The following ERMN variants were observed in gnomAD, a reference collection of about 807,000 sequenced individuals.
ERMN encodes ermin, ERM-like protein.
Under a neutral mutation model 21.4 loss-of-function variants are expected in ERMN, and 17 were observed. The observed-to-expected ratio is 0.80, with a 90% CI of 0.54 to 1.19. The LOEUF is 1.19. ERMN is among the 50% of genes most tolerant of loss of function. ERMN has a pLI of 0.00. For missense variants in ERMN, 348 were observed against 331.6 expected (o/e 1.05, Z -0.38); for synonymous variants, 115 against 111.9 (o/e 1.03, Z -0.17).
Position 157,319,417 on chromosome 2 carries a change from G to A in ERMN, c.*1854C>T, listed in dbSNP as rs1256648403. On this transcript the variant is annotated 3_prime_UTR_variant, in exon 3 of 3. Coordinates refer to ENST00000410096, the MANE Select transcript of ERMN (RefSeq NM_020711.3). ...AGTTCTACAGGAATCCATCATCTCT[G>A]TTGGAATAACTCAAAATACAGGCTC... is the stretch of plus-strand genomic sequence containing the variant. 1 of 152,092 alleles carries A rather than the reference G, an allele frequency of 6.6e-6. No homozygotes were observed. Among genetic ancestry groups the A allele is most frequent in the Non-Finnish European group, 1.5e-5 (1 of 68,002 alleles). 9.4% of individuals were successfully genotyped at this position (152,092 alleles called of 1,614,324 possible).
In ERMN at chr2:157,321,009, G is replaced by C. The variant is rs532692501; in HGVS notation, c.*262C>G. On this transcript the variant is annotated 3_prime_UTR_variant, in exon 3 of 3. Coordinates refer to ENST00000410096, the MANE Select transcript of ERMN (RefSeq NM_020711.3). ...GCCAGATTCCCCCAGGGGACTGACTGCTTAGTGCTTATCACACAATGCTAT... is the reference window on the plus strand; with the variant it reads ...GCCAGATTCCCCCAGGGGACTGACTCCTTAGTGCTTATCACACAATGCTAT... The C allele has an allele frequency of 2.3e-5, 10 of 427,940 alleles. No homozygotes were observed. In the Admixed American group the frequency reaches 4.1e-4, roughly 18 times the overall value. 26.5% of individuals were successfully genotyped at this position (427,940 alleles called of 1,614,324 possible).
rs761910834 is a variant in ERMN, at chr2:157,321,471, C to T, written c.655G>A (p.Glu219Lys). The T allele has an allele frequency of 1.2e-6, 2 of 1,613,972 alleles. No homozygotes were observed. Among genetic ancestry groups the T allele is most frequent in the Non-Finnish European group, 1.7e-6 (2 of 1,180,004 alleles). The change falls in exon 3 of 3, where the codon GAA becomes AAA. Residue 219 changes from glutamate (E) to lysine (K), a missense_variant. Glu to Lys is a moderately conservative substitution (Grantham distance 56). Transcript: ENST00000410096. ...GGGGAGTCCTCACTTGCATCACCTTCCTCTTTAAATTGAGAAACCTCTTCA... is the reference window on the plus strand; with the variant it reads ...GGGGAGTCCTCACTTGCATCACCTTTCTCTTTAAATTGAGAAACCTCTTCA... ...KHEEVSQFKE[E>K]GDASEDSPLS...
At chr2:157,327,269 C>A, upstream of ERMN, 1 of 550,836 alleles carries the variant, frequency 1.8e-6, no homozygotes, top group Non-Finnish European at 3.2e-6. Flanking sequence ...ACACCTCACT[C>A]TTGTATAATC....
rs2105181399 is a variant in ERMN at position 157,318,826 on chromosome 2, A to C, written c.*2445T>G. ...ACAGAGGAAAACAAAAAATCATGTA[A>C]GAAATACCAGCATTTGCACAATAAA... is the stretch of plus-strand genomic sequence containing the variant. On this transcript the variant is annotated 3_prime_UTR_variant, in exon 3 of 3. Transcript: ENST00000410096. 1 of 152,294 alleles carries C rather than the reference A, an allele frequency of 6.6e-6. No homozygotes were observed. The highest frequency in any genetic ancestry group is 1.9e-4 in the East Asian group (1 of 5,180). The allele number at this position is 152,294 out of a possible 1,614,324, so 9.4% of individuals were successfully genotyped here. A position where few individuals can be genotyped will look rare whatever the true frequency, so the allele number is the denominator to read the frequency against.
chr2:157,326,820 A>G (rs1216294520), upstream of ERMN, among the ~76,000 whole-genome samples: 6 of 151,958 alleles, frequency 3.9e-5, no homozygotes, highest in East Asian at 1.2e-3. Context: ...ACTATCTCTA[A>G]CCGCCAGGAT....
At position 157,321,315 on chromosome 2, in the gene ERMN, T is replaced by A. The variant is rs1683887888; in HGVS notation, c.811A>T (p.Thr271Ser). The change falls in exon 3 of 3, where the codon ACC (threonine) becomes TCC (serine). Residue 271 changes from threonine to serine, a missense_variant. Physicochemically the swap from Thr to Ser is moderately conservative, Grantham distance 58 (BLOSUM62 1). Transcript: ENST00000410096. ...TCGAATTCATCAATTCTTTGCTTGG[T>A]ATTTCCCTTTCTGATTTTCCGATAG... ...ISYRKIRKGN[T>S]KQRIDEFESM... 4 of 1,614,006 alleles carry A rather than the reference T, an allele frequency of 2.5e-6. No individual in the cohort carries two copies. The highest frequency in any genetic ancestry group is 3.4e-6 in the Non-Finnish European group (4 of 1,179,912).
intron 1 of ERMN, 52 bp downstream of exon 1, chr2:157,325,350 G>T: frequency 6.2e-7 from 1 of 1,608,392 alleles, no homozygotes. Context: ...AAAAATCCAG[G>T]GTAAATTTAT....
chr2:157,327,676 G>T, upstream of ERMN: 1 of 566,970 alleles, frequency 1.8e-6, no homozygotes, highest in Non-Finnish European at 3.2e-6. Flanking sequence ...ATCCCACAGG[G>T]GTTCGGCATT....
Position 157,319,315 on chromosome 2 carries a change from C to CCAGCGTTAGCATATA in ERMN, c.*1941_*1955dup, listed in dbSNP as rs1311181468. The CCAGCGTTAGCATATA allele has an allele frequency of 6.6e-6, 1 of 152,112 alleles. No homozygotes were observed. The highest frequency in any genetic ancestry group is 2.4e-5 in the African/African-American group (1 of 41,426). 9.4% of individuals were successfully genotyped at this position (152,112 alleles called of 1,614,324 possible). On this transcript the variant is annotated 3_prime_UTR_variant, in exon 3 of 3. Transcript: ENST00000410096. ...TGGTGAGAGCACAGAGCTAAGAGGA[C>CCAGCGTTAGCATATA]CAGCGTTAGCATATATTAGAGTCCC...
intron 1 of ERMN, chr2:157,325,048 AT>A: frequency 2.5e-6 from 1 of 397,582 alleles, no homozygotes; most frequent in Non-Finnish European, 4.8e-6. Context: ...AAATTTTAAC[AT>A]TTTGAATTCT....
At position 157,319,897 on chromosome 2, in the gene ERMN, G is replaced by T. The variant is rs1683835683; in HGVS notation, c.*1374C>A. The T allele has an allele frequency of 6.6e-6, 1 of 152,124 alleles. No individual in the cohort carries two copies. The highest frequency in any genetic ancestry group is 2.4e-5 in the African/African-American group (1 of 41,446). The allele number at this position is 152,124 out of a possible 1,614,324, so 9.4% of individuals were successfully genotyped here. ...TGGGATTTATGTTACACATAAATAAGCAGTCATCTAAGAGGACTAACATGG... is the reference window on the plus strand; with the variant it reads ...TGGGATTTATGTTACACATAAATAATCAGTCATCTAAGAGGACTAACATGG... On this transcript the variant is annotated 3_prime_UTR_variant, in exon 3 of 3. Transcript: ENST00000410096.
In ERMN at chr2:157,321,139, A is replaced by G; in HGVS notation, c.*132T>C. On this transcript the variant is annotated 3_prime_UTR_variant, in exon 3 of 3. Transcript: ENST00000410096. ...TCTAGGGTTATTTCCACATTATTCT[A>G]CAGTGAAAAAGAGAGTCAACTTCCA... is the stretch of plus-strand genomic sequence containing the variant. The G allele has an allele frequency of 7.6e-7, 1 of 1,309,612 alleles. No individual in the cohort carries two copies. The highest frequency in any genetic ancestry group is 1.0e-6 in the Non-Finnish European group (1 of 967,290). 81.1% of individuals were successfully genotyped at this position (1,309,612 alleles called of 1,614,324 possible).
At position 157,324,766 on chromosome 2, in the gene ERMN, G is replaced by C; in HGVS notation, c.242-4C>G. The C allele has an allele frequency of 6.3e-7, 1 of 1,584,178 alleles. No individual in the cohort carries two copies. ...AAGAGTTTCTCTTCTGGGTTTTCTA[G>C]GAAAAAAATATAAAATCAGTATTTT... On this transcript the variant is annotated splice_region_variant and splice_polypyrimidine_tract_variant and intron_variant, in intron 1 of 2. Transcript: ENST00000410096.
chr2:157,324,810 T>C (rs762858469), intron 1 of ERMN, 48 bp from the exon 2 acceptor site: 2 of 1,323,388 alleles, frequency 1.5e-6, no homozygotes, highest in Non-Finnish European at 2.1e-6. Flanking sequence ...AAATATTTAT[T>C]GTTCAACAGT....
Position 157,321,504 on chromosome 2 carries a change from T to C in ERMN, c.622A>G (p.Lys208Glu). ...AATTGAGAAACCTCTTCATGTTTTT[T>C]CTTAAATTCTATCACTCGAACTTCA... ...EDEVRVIEFKKKHEEVSQFKE... is the reference protein window; with the variant it reads ...EDEVRVIEFKEKHEEVSQFKE... Residue 208 changes from lysine (K) to glutamate (E), a missense_variant, in exon 3 of 3, where the codon AAA (lysine) becomes GAA (glutamate). Physicochemically the swap from Lys to Glu is moderately conservative, Grantham distance 56 (BLOSUM62 1). Coordinates refer to ENST00000410096, the MANE Select transcript of ERMN (RefSeq NM_020711.3). 1.2e-6 allele frequency: 2 copies of C among 1,614,148 alleles called. No individual in the cohort carries two copies. The highest frequency in any genetic ancestry group is 1.7e-6 in the Non-Finnish European group (2 of 1,180,018).
In ERMN at chr2:157,325,618, T is replaced by TG; in HGVS notation, c.24_25insC (p.Thr9HisfsTer4). 6.2e-7 allele frequency: 1 copy of TG among 1,614,170 alleles called. No individual in the cohort carries two copies. Among genetic ancestry groups the TG allele is most frequent in the African/African-American group, 1.3e-5 (1 of 75,044 alleles). On this transcript the variant is annotated frameshift_variant, in exon 1 of 3. Transcript: ENST00000410096. LOFTEE classifies it high-confidence loss of function. ...TTATCCCCATTACACTCAGCCTGGG[T>TG]AAATGTAGCCGGAACATCTGTCATG... is the stretch of plus-strand genomic sequence containing the variant.
upstream of ERMN, among the ~76,000 whole-genome samples, chr2:157,326,135 T>A (rs1434909527): frequency 6.6e-6 from 1 of 152,256 alleles, no homozygotes; most frequent in Admixed American, 6.5e-5. Context: ...CCTTGAGGCA[T>A]ATTAGTTCTG....
chr2:157,321,150 G>A lies in ERMN; in HGVS notation c.*121C>T, dbSNP rs559963507. 266 of 1,393,862 alleles carry A rather than the reference G, an allele frequency of 1.9e-4. 2 individuals are homozygous for A. In the Middle Eastern group the frequency reaches 2.1e-3, roughly 11 times the overall value. 86.3% of individuals were successfully genotyped at this position (1,393,862 alleles called of 1,614,324 possible). A position where few individuals can be genotyped will look rare whatever the true frequency, so the allele number is the denominator to read the frequency against. On this transcript the variant is annotated 3_prime_UTR_variant, in exon 3 of 3. Transcript: ENST00000410096. ...TTCCACATTATTCTACAGTGAAAAA[G>A]AGAGTCAACTTCCACCTCCCTCCAA...
In ERMN at chr2:157,319,367, A is replaced by T. The variant is rs1034837581; in HGVS notation, c.*1904T>A. The T allele has an allele frequency of 1.3e-5, 2 of 152,178 alleles. No homozygotes were observed. Among genetic ancestry groups the T allele is most frequent in the African/African-American group, 2.4e-5 (1 of 41,454 alleles). The allele number at this position is 152,178 out of a possible 1,614,324, so 9.4% of individuals were successfully genotyped here. On this transcript the variant is annotated 3_prime_UTR_variant, in exon 3 of 3. Transcript: ENST00000410096. ...TAAGAGGTACTTGCTTTGCCGTGCC[A>T]CATAACCATAGGTCACCCACCTCTA...
Sources: gnomAD v4.1 joint callset for allele counts (sites outside exome capture counted in the v4.1 genomes callset) on GRCh38, gnomAD v4.1.1 for gene constraint, MANE v1.5 for transcripts, NCBI Gene and HGNC (gene_info 2026-07-23, HGNC 2026-07-21) for gene names.